IL1RAPL1: variants seen among roughly 807,000 people sequenced by gnomAD.
IL1RAPL1 encodes interleukin 1 receptor accessory protein like 1, also known as interleukin-1 receptor accessory protein-like 1.
A neutral mutation model predicts 48.4 loss-of-function variants in IL1RAPL1; 3 were observed. That is an observed-to-expected ratio of 0.06 (90% CI 0.03 to 0.16). IL1RAPL1 has a LOEUF of 0.16. Ranked by LOEUF, IL1RAPL1 falls within the 10% of genes least tolerant of loss-of-function variation. The pLI, the probability that IL1RAPL1 is intolerant of heterozygous loss-of-function variation, is 1.00. For synonymous variants in IL1RAPL1, 185 were observed against 187.7 expected, an observed-to-expected ratio of 0.99 and a Z score of 0.12; for missense variants, 349 against 530.6, an observed-to-expected ratio of 0.66 and a Z score of 3.36.
chrX:28,960,666 G>A (rs183908909), intron 2 of IL1RAPL1, among the ~76,000 whole-genome samples: 2 of 111,561 alleles, frequency 1.8e-5, no homozygotes, highest in Admixed American at 1.9e-4. Flanking sequence ...ATTGTTTAGA[G>A]TTTATTATTA....
intron 1 of IL1RAPL1, among the ~76,000 whole-genome samples, chrX:28,671,529 G>A (rs1479733222): frequency 1.8e-5 from 2 of 111,915 alleles, no homozygotes; most frequent in Non-Finnish European, 3.8e-5. Context: ...TCATTCAGGA[G>A]CGCTGTATGG....
chrX:28,819,111 C>T (rs1936901671), intron 2 of IL1RAPL1, among the ~76,000 whole-genome samples: 1 of 110,674 alleles, frequency 9.0e-6, no homozygotes. Flanking sequence ...ACACCCACTC[C>T]CCAGGAAATA....
chrX:28,781,949 T>C (rs1936428253), intron 1 of IL1RAPL1, among the ~76,000 whole-genome samples: 1 of 112,101 alleles, frequency 8.9e-6, no homozygotes, highest in South Asian at 3.6e-4. Flanking sequence ...TAATTATATA[T>C]GTATGAATAT....
chrX:29,335,123 G>C (rs780475393), intron 3 of IL1RAPL1, among the ~76,000 whole-genome samples: 1 of 111,138 alleles, frequency 9.0e-6, no homozygotes, highest in South Asian at 3.9e-4. Context: ...AAAAAAAAAC[G>C]AAAACCAGTC....
chrX:29,946,388 C>T (rs772182786), intron 9 of IL1RAPL1, among the ~76,000 whole-genome samples: 70 of 110,302 alleles, frequency 6.3e-4, no homozygotes, highest in African/African-American at 2.2e-3. Flanking sequence ...AGATGTTAGT[C>T]TTTGTAATAA....
chrX:29,465,316 G>T (rs942637833), intron 5 of IL1RAPL1, among the ~76,000 whole-genome samples: 1 of 111,046 alleles, frequency 9.0e-6, no homozygotes, highest in Non-Finnish European at 1.9e-5. Context: ...TGAGATGGGC[G>T]GATCGCTTGA....
At chrX:29,808,373 C>T (rs1043272394) in intron 6 of IL1RAPL1, among the ~76,000 whole-genome samples, 14 of 111,515 alleles carry the variant, frequency 1.3e-4, no homozygotes, top group African/African-American at 4.6e-4. Context: ...TAATCTTAAT[C>T]TAACACATCT....
rs1014533413 is a variant in IL1RAPL1, at chrX:28,590,834, T to A, written c.-25+2787T>A. On this transcript the variant is annotated intron_variant, in intron 1 of 10. Transcript: ENST00000378993. ...ATAATAGCAGGATGGAAAAAGATTC[T>A]GTACAAAAAGACACTGGTTGTGAAG... Among the ~76,000 whole-genome samples the A allele has an allele frequency of 4.5e-5, 5 of 112,320 alleles. No homozygotes were observed. In the Admixed American group the frequency reaches 4.7e-4, roughly 11 times the overall value.
At chrX:28,735,602 A>AC (rs1823467777) in intron 1 of IL1RAPL1, among the ~76,000 whole-genome samples, 1 of 108,761 alleles carries the variant, frequency 9.2e-6, no homozygotes, top group Admixed American at 1.0e-4. Flanking sequence ...ACATAGCAAG[A>AC]CCCCATGTCT....
At chrX:28,860,678 C>T (rs754359693) in intron 2 of IL1RAPL1, among the ~76,000 whole-genome samples, 2 of 110,024 alleles carry the variant, frequency 1.8e-5, no homozygotes, top group Admixed American at 9.7e-5. Context: ...AGGCTGGTCT[C>T]GAACTCCTGA....
At chrX:29,102,815 G>A (rs190338537) in intron 2 of IL1RAPL1, among the ~76,000 whole-genome samples, 31 of 111,538 alleles carry the variant, frequency 2.8e-4, no homozygotes, top group Non-Finnish European at 5.3e-4. Context: ...AAAATCGGTA[G>A]CATTTCTATA....
chrX:29,778,975 A>G (rs758097654), intron 6 of IL1RAPL1, among the ~76,000 whole-genome samples: 5 of 111,348 alleles, frequency 4.5e-5, no homozygotes, highest in Non-Finnish European at 9.4e-5. Context: ...TAAAATGCAA[A>G]TTTGTATTTG....
chrX:29,473,124 GT>G (rs1934938956), intron 5 of IL1RAPL1, among the ~76,000 whole-genome samples: 1 of 111,517 alleles, frequency 9.0e-6, no homozygotes, highest in African/African-American at 3.3e-5. Context: ...GGAAGGATAT[GT>G]TCTAGGCTTC....
chrX:29,029,185 G>T (rs1222029337), intron 2 of IL1RAPL1, among the ~76,000 whole-genome samples: 1 of 111,336 alleles, frequency 9.0e-6, no homozygotes, highest in Non-Finnish European at 1.9e-5. Context: ...CCATGATCCA[G>T]TCACTTCCCA....
At chrX:28,603,674 G>A (rs1321360444) in intron 1 of IL1RAPL1, among the ~76,000 whole-genome samples, 1 of 111,804 alleles carries the variant, frequency 8.9e-6, no homozygotes, top group Non-Finnish European at 1.9e-5. Context: ...AGGAAAGAAA[G>A]GAAGAAGAAA....
At chrX:28,878,997 A>T (rs1922441195) in intron 2 of IL1RAPL1, among the ~76,000 whole-genome samples, 1 of 107,211 alleles carries the variant, frequency 9.3e-6, no homozygotes, top group Admixed American at 1.0e-4. Context: ...CCATAGTAAA[A>T]AAATCAAACT....
intron 2 of IL1RAPL1, among the ~76,000 whole-genome samples, chrX:29,066,680 A>T (rs1368687909): frequency 8.9e-6 from 1 of 112,012 alleles, no homozygotes; most frequent in Non-Finnish European, 1.9e-5. Context: ...AGGTGAGGGC[A>T]GTAGAAGTGG....
At chrX:28,995,597 T>C (rs1925707460) in intron 2 of IL1RAPL1, among the ~76,000 whole-genome samples, 1 of 111,649 alleles carries the variant, frequency 9.0e-6, no homozygotes, top group Non-Finnish European at 1.9e-5. Context: ...AGAGGTATTA[T>C]AAATTCCCAG....
At chrX:29,469,928 G>C (rs1041659388) in intron 5 of IL1RAPL1, among the ~76,000 whole-genome samples, 1 of 111,950 alleles carries the variant, frequency 8.9e-6, no homozygotes, top group African/African-American at 3.2e-5. Context: ...ACTGCAGAAA[G>C]AAGACTGTAA....
Sources: allele counts gnomAD v4.1 joint callset (sites outside exome capture counted in the v4.1 genomes callset), GRCh38; gene constraint gnomAD v4.1.1; transcripts MANE v1.5; gene names NCBI Gene and HGNC (gene_info 2026-07-23, HGNC 2026-07-21).